ZBTB1: variants seen among roughly 807,000 people sequenced by gnomAD.
ZBTB1 encodes the protein zinc finger and BTB domain-containing protein 1.
In ZBTB1, 13 loss-of-function variants were observed where a neutral mutation model predicts 51.6. The observed-to-expected ratio is 0.25, with a 90% CI of 0.16 to 0.40. The LOEUF (loss-of-function observed/expected upper bound fraction) is 0.40, where lower values mean the gene tolerates loss of function less well. Among genes scored for constraint, ZBTB1 ranks in the 10% least tolerant of loss-of-function variants. The pLI is 1.00. For missense variants in ZBTB1, 567 were observed against 856.5 expected (o/e 0.66, Z 4.22); for synonymous variants, 240 against 282.2 (o/e 0.85, Z 1.50).
At chr14:64,518,175 A>G (rs567741241) in intron 1 of ZBTB1, among the ~76,000 whole-genome samples, 1 of 152,218 alleles carries the variant, frequency 6.6e-6, no homozygotes, top group African/African-American at 2.4e-5. Context: ...CATGACAGTG[A>G]ATTCTGGGGC....
chr14:64,528,450 T>C (rs1345005931), downstream of ZBTB1, among the ~76,000 whole-genome samples: 1 of 150,340 alleles, frequency 6.7e-6, no homozygotes, highest in Non-Finnish European at 1.5e-5. Flanking sequence ...CAGTAATAAA[T>C]GGCCAGTGCT....
At chr14:64,520,607 A>T (rs1226445795) in intron 1 of ZBTB1, among the ~76,000 whole-genome samples, 1 of 152,100 alleles carries the variant, frequency 6.6e-6, no homozygotes, top group African/African-American at 2.4e-5. Flanking sequence ...ATTGCTCCCC[A>T]CACCCACCCC....
At chr14:64,519,373 C>T (rs1443175124) in intron 1 of ZBTB1, among the ~76,000 whole-genome samples, 1 of 150,948 alleles carries the variant, frequency 6.6e-6, no homozygotes, top group Non-Finnish European at 1.5e-5. Flanking sequence ...TGGTCTCGAA[C>T]TCCTGACCTC....
downstream of ZBTB1, among the ~76,000 whole-genome samples, chr14:64,527,856 AC>A (rs955417331): frequency 6.6e-6 from 1 of 152,202 alleles, no homozygotes; most frequent in Non-Finnish European, 1.5e-5. Context: ...TGAATAAAAA[AC>A]ATTTGAAAAT....
At position 64,522,443 on chromosome 14, in the gene ZBTB1, C is replaced by T. The variant is rs760841294; in HGVS notation, c.939C>T (p.Ser313=). 1.4e-5 allele frequency: 23 copies of T among 1,613,692 alleles called. No homozygotes were observed. The highest frequency in any genetic ancestry group is 2.2e-5 in the South Asian group (2 of 91,034). ...GCACAGTGGAGTCTGAAATAGCAAGCGAAGAGAAAAGCAGAGCTGCTGAGA... is the reference window on the plus strand; with the variant it reads ...GCACAGTGGAGTCTGAAATAGCAAGTGAAGAGAAAAGCAGAGCTGCTGAGA... ...KSSTVESEIA[S]EEKSRAAERK... Residue 313 remains serine (S), a synonymous_variant, in exon 2 of 2, where the codon AGC becomes AGT. Coordinates refer to ENST00000683701, the MANE Select transcript of ZBTB1 (RefSeq NM_001123329.2).
Position 64,523,837 on chromosome 14 carries a change from G to T in ZBTB1, c.*191G>T, listed in dbSNP as rs1039377057. 2.8e-5 allele frequency: 35 copies of T among 1,267,752 alleles called. No individual in the cohort carries two copies. The highest frequency in any genetic ancestry group is 2.3e-4 in the African/African-American group (15 of 64,444). 78.5% of individuals were successfully genotyped at this position (1,267,752 alleles called of 1,614,324 possible). Reference sequence around the variant, plus strand: ...GTATTAAATGTTTATCATTTTTGTTGTTTCTTAATAGAATTATTTGTTTTT... The same window carrying T: ...GTATTAAATGTTTATCATTTTTGTTTTTTCTTAATAGAATTATTTGTTTTT... On this transcript the variant is annotated 3_prime_UTR_variant, in exon 2 of 2. Coordinates refer to ENST00000683701, the MANE Select transcript of ZBTB1 (RefSeq NM_001123329.2). The surrounding 1 kb of genome is among the most constrained non-coding windows in gnomAD (Gnocchi z 4.5).
At chr14:64,512,908 C>T (rs945750130) in intron 1 of ZBTB1, among the ~76,000 whole-genome samples, 3 of 152,094 alleles carry the variant, frequency 2.0e-5, no homozygotes, top group African/African-American at 7.2e-5. Context: ...ATGGCAGAAT[C>T]TTTAAGGTCA....
intron 1 of ZBTB1, among the ~76,000 whole-genome samples, chr14:64,519,902 TAG>T (rs2079842539): frequency 6.6e-6 from 1 of 152,228 alleles, no homozygotes; most frequent in Non-Finnish European, 1.5e-5. Flanking sequence ...TCTAACTCTA[TAG>T]AATTATTGCT....
intron 1 of ZBTB1, among the ~76,000 whole-genome samples, chr14:64,519,619 A>G (rs939732598): frequency 6.6e-6 from 1 of 151,272 alleles, no homozygotes; most frequent in South Asian, 2.1e-4. Context: ...TAAAAAAAAA[A>G]AAACAAAAAA....
At chr14:64,511,056 A>G (rs565107723) in intron 1 of ZBTB1, among the ~76,000 whole-genome samples, 37 of 152,234 alleles carry the variant, frequency 2.4e-4, no homozygotes, top group Non-Finnish European at 4.6e-4. Context: ...TGATTGGTAC[A>G]TAGTGGTGGC....
At chr14:64,505,197 A>G (rs2079627674) in intron 1 of ZBTB1, 7 of 316,080 alleles carry the variant, frequency 2.2e-5, no homozygotes. Flanking sequence ...CTAGTTCCCA[A>G]ATTAGTTACC....
intron 2 of ZBTB1, chr14:64,531,723 C>A: frequency 3.4e-6 from 3 of 888,320 alleles, no homozygotes; most frequent in Non-Finnish European, 5.2e-6. Flanking sequence ...GCTTGTGTTT[C>A]TATTCTCTGT....
chr14:64,531,997 T>G, exon 3 of ZBTB1: 1 of 1,424,680 alleles, frequency 7.0e-7, no homozygotes, highest in Non-Finnish European at 9.5e-7. Context: ...GCACCATCTT[T>G]TCTGTCTTCC....
At chr14:64,505,420 T>C (rs2140061859) in intron 1 of ZBTB1, among the ~76,000 whole-genome samples, 1 of 152,252 alleles carries the variant, frequency 6.6e-6, no homozygotes, top group South Asian at 2.1e-4. Flanking sequence ...TCCGTGCAAA[T>C]TCTTGTTACG....
At chr14:64,505,120 T>G in intron 1 of ZBTB1, 174 bp downstream of exon 1, 1 of 346,236 alleles carries the variant, frequency 2.9e-6, no homozygotes, top group Non-Finnish European at 5.2e-6. Context: ...GGCCGCCTGC[T>G]TGTTGCCGGC....
At chr14:64,510,531 G>A (rs1392380019) in intron 1 of ZBTB1, among the ~76,000 whole-genome samples, 2 of 152,200 alleles carry the variant, frequency 1.3e-5, no homozygotes, top group African/African-American at 2.4e-5. Flanking sequence ...ATATCTGGGA[G>A]GTTCAGACCC....
chr14:64,519,289 C>T (rs1215632679), intron 1 of ZBTB1, among the ~76,000 whole-genome samples: 5 of 151,420 alleles, frequency 3.3e-5, no homozygotes, highest in Non-Finnish European at 7.4e-5. Flanking sequence ...GCTGGGATTA[C>T]AGGCGCCCGC....
chr14:64,531,080 A>T (rs1360739294), intron 2 of ZBTB1, among the ~76,000 whole-genome samples: 1 of 152,202 alleles, frequency 6.6e-6, no homozygotes, highest in Non-Finnish European at 1.5e-5. Context: ...TATACAGCTT[A>T]AAAAGCCCCT....
chr14:64,517,041 A>G (rs2079794099), intron 1 of ZBTB1, among the ~76,000 whole-genome samples: 2 of 152,172 alleles, frequency 1.3e-5, no homozygotes, highest in African/African-American at 4.8e-5. Context: ...GAAAGTTTTT[A>G]TAGATTAACT....
Sources: gnomAD v4.1 joint callset for allele counts (sites outside exome capture counted in the v4.1 genomes callset) on GRCh38, gnomAD v4.1.1 for gene constraint, Gnocchi (gnomAD v3.1) non-coding constraint, MANE v1.5 for transcripts, NCBI Gene and HGNC (gene_info 2026-07-23, HGNC 2026-07-21) for gene names.